The following XPR1 variants were observed in gnomAD, a reference collection of about 807,000 sequenced individuals.
The protein encoded by XPR1 is solute carrier family 53 member 1.
Under a neutral mutation model 87.5 loss-of-function variants are expected in XPR1, and 28 were observed. That is an observed-to-expected ratio of 0.32 (90% confidence interval 0.24 to 0.44). The LOEUF (loss-of-function observed/expected upper bound fraction) is 0.44. Among genes scored for constraint, XPR1 ranks in the 20% least tolerant of loss-of-function variants. The pLI, the probability that XPR1 is intolerant of heterozygous loss-of-function variation, is 1.00. For missense variants in XPR1, 559 were observed against 862.3 expected (o/e 0.65, Z 4.41); for synonymous variants, 300 against 306.1 (o/e 0.98, Z 0.21).
At chr1:180,728,520 G>A (rs35645548) in intron 2 of XPR1, among the ~76,000 whole-genome samples, 2,755 of 152,268 alleles carry the variant, frequency 0.018, 43 homozygotes, top group Admixed American at 0.04. Flanking sequence ...TTGTTAAAGC[G>A]CATATTCCGA....
chr1:180,790,534 C>T (rs989478283), intron 3 of XPR1, among the ~76,000 whole-genome samples: 2 of 152,094 alleles, frequency 1.3e-5, no homozygotes, highest in African/African-American at 2.4e-5. Flanking sequence ...AAGACAGAGA[C>T]AAAATATACA....
intron 7 of XPR1, among the ~76,000 whole-genome samples, chr1:180,816,349 G>A (rs1462019358): frequency 1.3e-5 from 2 of 152,158 alleles, no homozygotes; most frequent in East Asian, 3.8e-4. Context: ...GACAGGAGGC[G>A]GAGCTCAGGA....
chr1:180,641,835 T>C (rs994942411), intron 1 of XPR1, among the ~76,000 whole-genome samples: 2 of 152,214 alleles, frequency 1.3e-5, no homozygotes, highest in African/African-American at 4.8e-5. Flanking sequence ...GATATAAGAA[T>C]ATTGGCCTTC....
intron 6 of XPR1, 111 bp downstream of exon 6, chr1:180,806,668 T>C: frequency 1.2e-6 from 1 of 835,094 alleles, no homozygotes; most frequent in Non-Finnish European, 1.8e-6. Context: ...TTATAAGTAG[T>C]TGCTATTTTT....
At chr1:180,714,365 CTCTCTCTCTCTCTCTCTCT>C (rs1657911179) in intron 2 of XPR1, among the ~76,000 whole-genome samples, 1 of 141,968 alleles carries the variant, frequency 7.0e-6, no homozygotes, top group African/African-American at 2.7e-5. Flanking sequence ...CTCTCTCTCT[CTCTCTCTCTCTCTCTCTCT>C]CTCTCTCTCT....
intron 3 of XPR1, among the ~76,000 whole-genome samples, chr1:180,793,135 G>C (rs1336347139): frequency 6.6e-6 from 1 of 151,974 alleles, no homozygotes; most frequent in Non-Finnish European, 1.5e-5. Flanking sequence ...AAGAAGGAAG[G>C]TAATTGCATT....
At chr1:180,754,883 G>A (rs368718106) in intron 2 of XPR1, among the ~76,000 whole-genome samples, 5 of 151,662 alleles carry the variant, frequency 3.3e-5, no homozygotes, top group South Asian at 2.1e-4. Context: ...AATTTAGTCC[G>A]AAAGCCGAGC....
intron 11 of XPR1, among the ~76,000 whole-genome samples, chr1:180,857,719 T>A (rs1272120003): frequency 2.6e-5 from 4 of 152,150 alleles, no homozygotes; most frequent in African/African-American, 9.7e-5. Context: ...TTCAGTATAT[T>A]CTCATTCCCT....
In XPR1 at chr1:180,855,524, G is replaced by A. The variant is rs112978912; in HGVS notation, c.1502-8184G>A. Reference sequence around the variant, plus strand: ...TACTAAAAATACAAAAATTAGCCGGGTGTGGTGGTGTGTGCCTGTAGTCCC... The same window carrying A: ...TACTAAAAATACAAAAATTAGCCGGATGTGGTGGTGTGTGCCTGTAGTCCC... On this transcript the variant is annotated intron_variant, in intron 11 of 14. Transcript: ENST00000367590. Among the ~76,000 whole-genome samples the A allele has an allele frequency of 9.9e-5, 15 of 152,062 alleles. No homozygotes were observed. The South Asian group carries it at 3.1e-3, about 32-fold the overall frequency.
At chr1:180,641,062 G>GA (rs1174843215) in intron 1 of XPR1, among the ~76,000 whole-genome samples, 1 of 152,014 alleles carries the variant, frequency 6.6e-6, no homozygotes, top group Admixed American at 6.6e-5. Context: ...ATAACACATA[G>GA]AAAAAAACTC....
At chr1:180,698,514 C>CTTA (rs58150404) in intron 2 of XPR1, among the ~76,000 whole-genome samples, 6,522 of 151,844 alleles carry the variant, frequency 0.043, 496 homozygotes, top group African/African-American at 0.15. Flanking sequence ...TTCTTCTGTT[C>CTTA]TTGTTTATCA....
rs1649214046 is a variant in XPR1 at position 180,787,842 on chromosome 1, A to C, written c.211A>C (p.Thr71Pro). The change falls in exon 3 of 15, where the codon ACA (threonine) becomes CCA (proline). Residue 71 changes from threonine (T) to proline (P), a missense_variant. This residue lies in a region of XPR1 where 159 missense variants were observed against 263.3 expected (regional missense o/e 0.60). Transcript: ENST00000367590. ...TCEKELAKIN[T>P]FYSEKLAEAQ... is the part of the protein sequence containing the mutation. ...TGAAAAAGAACTTGCCAAAATCAAC[A>C]CATTTTATTCAGGTGAGTAATTAAG... 1 of 1,611,030 alleles carries C rather than the reference A, an allele frequency of 6.2e-7. No individual in the cohort carries two copies. Among genetic ancestry groups the C allele is most frequent in the Non-Finnish European group, 8.5e-7 (1 of 1,179,148 alleles).
At chr1:180,711,073 G>A (rs1284195268) in intron 2 of XPR1, among the ~76,000 whole-genome samples, 4 of 147,622 alleles carry the variant, frequency 2.7e-5, no homozygotes, top group African/African-American at 7.5e-5. Flanking sequence ...GGGCAGAGAC[G>A]CTCCTCACCT....
chr1:180,749,536 C>T (rs1647434347), intron 2 of XPR1, among the ~76,000 whole-genome samples: 1 of 151,792 alleles, frequency 6.6e-6, no homozygotes, highest in African/African-American at 2.4e-5. Flanking sequence ...ATTCACCTGG[C>T]TCTATGAAGT....
chr1:180,649,003 G>A (rs1258083585), intron 1 of XPR1, among the ~76,000 whole-genome samples: 2 of 152,096 alleles, frequency 1.3e-5, no homozygotes, highest in Non-Finnish European at 2.9e-5. Context: ...CTGGGTTCCT[G>A]AAAATTACAT....
chr1:180,800,819 A>T (rs893565690), intron 3 of XPR1, among the ~76,000 whole-genome samples: 13 of 152,180 alleles, frequency 8.5e-5, no homozygotes, highest in Admixed American at 7.9e-4. Context: ...GTGCTACAGG[A>T]ACCACCCGAA....
At chr1:180,702,502 G>T (rs1158039555) in intron 2 of XPR1, among the ~76,000 whole-genome samples, 1 of 151,424 alleles carries the variant, frequency 6.6e-6, no homozygotes, top group Non-Finnish European at 1.5e-5. Context: ...ATTTTTTTTT[G>T]TACTGACTGG....
intron 6 of XPR1, among the ~76,000 whole-genome samples, chr1:180,810,087 T>C (rs537563047): frequency 1.3e-5 from 2 of 152,266 alleles, no homozygotes; most frequent in South Asian, 4.1e-4. Flanking sequence ...AGATTATCTC[T>C]CTCTGTGTTT....
intron 2 of XPR1, among the ~76,000 whole-genome samples, chr1:180,704,682 A>G (rs1481387102): frequency 6.6e-6 from 1 of 151,534 alleles, no homozygotes; most frequent in Non-Finnish European, 1.5e-5. Context: ...TGGTTTTCTC[A>G]TTCCTTTTGA....
Sources: allele counts gnomAD v4.1 joint callset (sites outside exome capture counted in the v4.1 genomes callset), GRCh38; gene constraint gnomAD v4.1.1; regional missense constraint gnomAD v4.1.1; transcripts MANE v1.5; gene names NCBI Gene and HGNC (gene_info 2026-07-23, HGNC 2026-07-21).